CEP41: variants seen among roughly 807,000 people sequenced by gnomAD.
CEP41 encodes centrosomal protein of 41 kDa.
A neutral mutation model predicts 44.3 loss-of-function variants in CEP41; 32 were observed. That is an observed-to-expected ratio of 0.72 (90% confidence interval 0.54 to 0.97). The LOEUF is 0.97. Ranked by LOEUF, CEP41 falls within the 50% of genes least tolerant of loss-of-function variation. The pLI is 0.00. For missense variants in CEP41, 432 were observed against 455.2 expected (o/e 0.95, Z 0.46); for synonymous variants, 151 against 168.5 (o/e 0.90, Z 0.80).
chr7:130,440,053 C>G (rs1798097751), intron 1 of CEP41, among the ~76,000 whole-genome samples: 1 of 152,020 alleles, frequency 6.6e-6, no homozygotes, highest in Admixed American at 6.6e-5. Context: ...CAGAGTCGCT[C>G]TTATCACCCA....
At chr7:130,426,871 C>T in intron 2 of CEP41, 2 of 259,872 alleles carry the variant, frequency 7.7e-6, no homozygotes, top group Non-Finnish European at 1.5e-5. Flanking sequence ...TCACAAAATC[C>T]CCGTGCCACA....
At chr7:130,423,397 A>G (rs1228593002) in intron 2 of CEP41, among the ~76,000 whole-genome samples, 2 of 152,266 alleles carry the variant, frequency 1.3e-5, no homozygotes, top group Non-Finnish European at 2.9e-5. Context: ...CATTAGGAAC[A>G]TGAAAATCAA....
chr7:130,415,460 C>T (rs1797305920), intron 3 of CEP41, among the ~76,000 whole-genome samples: 1 of 152,206 alleles, frequency 6.6e-6, no homozygotes, highest in Non-Finnish European at 1.5e-5. Flanking sequence ...GAATCTCCTG[C>T]TCTACTAAAA....
At chr7:130,415,537 T>A (rs1255218452) in intron 3 of CEP41, among the ~76,000 whole-genome samples, 1 of 152,236 alleles carries the variant, frequency 6.6e-6, no homozygotes, top group East Asian at 1.9e-4. Context: ...TCCAAGGGTA[T>A]TGTTCTGGGA....
chr7:130,438,827 C>G (rs1340786059), intron 1 of CEP41, among the ~76,000 whole-genome samples: 2 of 152,154 alleles, frequency 1.3e-5, no homozygotes, highest in African/African-American at 2.4e-5. Flanking sequence ...TTTTGATAGA[C>G]AAATCATAAC....
At chr7:130,414,378 C>A (rs1307251338) in intron 3 of CEP41, among the ~76,000 whole-genome samples, 1 of 152,180 alleles carries the variant, frequency 6.6e-6, no homozygotes, top group Non-Finnish European at 1.5e-5. Context: ...TGATTGCCAC[C>A]AACTTGCCCA....
chr7:130,406,126 T>C (rs535461901), intron 5 of CEP41, among the ~76,000 whole-genome samples: 17 of 151,834 alleles, frequency 1.1e-4, no homozygotes, highest in Non-Finnish European at 2.4e-4. Context: ...ATAAATACTG[T>C]TTCAGTTCCC....
At chr7:130,410,524 A>G (rs1797150754) in intron 5 of CEP41, among the ~76,000 whole-genome samples, 3 of 152,194 alleles carry the variant, frequency 2.0e-5, no homozygotes, top group African/African-American at 4.8e-5. Flanking sequence ...TAGCTGTATC[A>G]CTTTGAGGAG....
At chr7:130,423,789 A>C (rs1314421244) in intron 2 of CEP41, among the ~76,000 whole-genome samples, 1 of 152,254 alleles carries the variant, frequency 6.6e-6, no homozygotes, top group African/African-American at 2.4e-5. Flanking sequence ...ATAAAAAGGA[A>C]TGAAGAACCG....
At chr7:130,420,908 G>A in intron 2 of CEP41, 1 of 973,904 alleles carries the variant, frequency 1.0e-6, no homozygotes, top group African/African-American at 1.8e-5. Flanking sequence ...CTGAGTTTCT[G>A]CACACCTGAT....
At chr7:130,426,688 T>C (rs1554423606) in intron 2 of CEP41, 1 of 455,710 alleles carries the variant, frequency 2.2e-6, no homozygotes, top group East Asian at 7.0e-5. Flanking sequence ...GTTAGATGGG[T>C]AGAGATGAAA....
Position 130,398,206 on chromosome 7 carries a change from G to A in CEP41, c.*685C>T, listed in dbSNP as rs1554415672. 1.1e-5 allele frequency: 5 copies of A among 454,042 alleles called. No homozygotes were observed. Among genetic ancestry groups the A allele is most frequent in the South Asian group, 7.8e-5 (5 of 64,438 alleles). The allele number at this position is 454,042 out of a possible 1,614,324, so 28.1% of individuals were successfully genotyped here. On this transcript the variant is annotated 3_prime_UTR_variant, in exon 11 of 11. Transcript: ENST00000223208. ...CTCCCCGGTGTGAAGACACCCACAT[G>A]CATACCTTTCTGGCTCCAGGAAATA...
At chr7:130,414,084 C>G (rs192363292) in intron 3 of CEP41, among the ~76,000 whole-genome samples, 2 of 152,210 alleles carry the variant, frequency 1.3e-5, no homozygotes, top group African/African-American at 4.8e-5. Flanking sequence ...CCTTAAGACT[C>G]AGAGTCGGGA....
chr7:130,415,681 C>A (rs1307315898), intron 3 of CEP41, among the ~76,000 whole-genome samples: 4 of 152,132 alleles, frequency 2.6e-5, no homozygotes, highest in Admixed American at 1.3e-4. Flanking sequence ...GACATGTGAA[C>A]TCACACTCAG....
chr7:130,441,352 A>G, upstream of CEP41: 1 of 399,578 alleles, frequency 2.5e-6, no homozygotes, highest in Admixed American at 3.6e-5. Context: ...ATGTGGAACC[A>G]TAAATACAAC....
chr7:130,440,066 C>G (rs1798098402), intron 1 of CEP41, among the ~76,000 whole-genome samples: 1 of 152,212 alleles, frequency 6.6e-6, no homozygotes, highest in Admixed American at 6.5e-5. Context: ...ATCACCCAGG[C>G]TGGAGTGCAA....
At position 130,397,068 on chromosome 7, in the gene CEP41, C is replaced by G. The variant is rs913102826; in HGVS notation, c.*1823G>C. 2 of 454,390 alleles carry G rather than the reference C, an allele frequency of 4.4e-6. No homozygotes were observed. The highest frequency in any genetic ancestry group is 8.8e-6 in the Non-Finnish European group (2 of 226,786). 28.1% of individuals were successfully genotyped at this position (454,390 alleles called of 1,614,324 possible). ...AAAAATGTATATGTGGCAAAAATGG[C>G]TGAAAATCTTGTCCATGCTAGGGGA... On this transcript the variant is annotated 3_prime_UTR_variant, in exon 11 of 11. Coordinates refer to ENST00000223208, the MANE Select transcript of CEP41 (RefSeq NM_018718.3).
At position 130,396,920 on chromosome 7, in the gene CEP41, G is replaced by A. The variant is rs1796679350; in HGVS notation, c.*1971C>T. 4.4e-6 allele frequency: 2 copies of A among 451,624 alleles called. No homozygotes were observed. The highest frequency in any genetic ancestry group is 4.0e-5 in the African/African-American group (2 of 49,728). The allele number at this position is 451,624 out of a possible 1,614,324, so 28.0% of individuals were successfully genotyped here. On this transcript the variant is annotated 3_prime_UTR_variant, in exon 11 of 11. Transcript: ENST00000223208. ...GTCTGACGATGGGAACGCAGAATCG[G>A]AACAAGGAGGGAAGACCATTTACTT...
At chr7:130,400,016 C>A in intron 10 of CEP41, 23 bp downstream of exon 10, 2 of 1,492,816 alleles carry the variant, frequency 1.3e-6, no homozygotes, top group South Asian at 1.1e-5. Context: ...CAAACATTAT[C>A]TTTAAAGGTC....
Sources: gnomAD v4.1 joint callset for allele counts (sites outside exome capture counted in the v4.1 genomes callset) on GRCh38, gnomAD v4.1.1 for gene constraint, MANE v1.5 for transcripts, NCBI Gene and HGNC (gene_info 2026-07-23, HGNC 2026-07-21) for gene names.